HTR4: variants seen among roughly 807,000 people sequenced by gnomAD.
The protein encoded by HTR4 is 5-hydroxytryptamine receptor 4, also known as 5-hydroxytryptamine (serotonin) receptor 4, G protein-coupled.
In HTR4, 16 loss-of-function variants were observed where a neutral mutation model predicts 36.8. The ratio of observed to expected loss-of-function variants is 0.43; its 90% confidence interval spans 0.29 to 0.66. The LOEUF (loss-of-function observed/expected upper bound fraction) is 0.66. Ranked by LOEUF, HTR4 falls within the 30% of genes least tolerant of loss-of-function variation. The pLI, the probability that HTR4 is intolerant of heterozygous loss-of-function variation, is 0.13. For synonymous variants in HTR4, 189 were observed against 185.1 expected, an observed-to-expected ratio of 1.02 and a Z score of -0.17; for missense variants, 438 against 490.9, an observed-to-expected ratio of 0.89 and a Z score of 1.02.
In HTR4 at chr5:148,509,513, A is replaced by G. The variant is rs1462640349; in HGVS notation, c.1019T>C (p.Leu340Pro). The G allele has an allele frequency of 8.1e-6, 13 of 1,613,866 alleles. No homozygotes were observed. In the African/African-American group the frequency reaches 1.1e-4, roughly 13 times the overall value. Residue 340 changes from leucine (L) to proline (P), a missense_variant, in exon 6 of 7, where the codon CTG becomes CCG. Leu to Pro is a moderately conservative substitution (Grantham distance 98). Transcript: ENST00000377888. The stretch of plus-strand genomic sequence containing the variant: ...GGTTGAACAAGGGACAGTCTGGCCC[A>G]GAATGGAAGGTCTTCGGTAGCGCTC... ...DDERYRRPSILGQTVPCSTTT... is the reference protein window; with the variant it reads ...DDERYRRPSIPGQTVPCSTTT...
intron 4 of HTR4, among the ~76,000 whole-genome samples, chr5:148,535,688 C>T (rs1427587599): frequency 6.6e-6 from 1 of 151,884 alleles, no homozygotes; most frequent in Non-Finnish European, 1.5e-5. Context: ...AAAATAAAGA[C>T]AAAATAATTA....
chr5:148,452,794 TAAG>T (rs1283640758), intron 5 of HTR4, among the ~76,000 whole-genome samples: 17 of 152,214 alleles, frequency 1.1e-4, no homozygotes, highest in Admixed American at 2.0e-4. Context: ...AGGTCAGTGT[TAAG>T]AAGAATAAAA....
At chr5:148,456,559 A>C (rs1490988644) in intron 5 of HTR4, among the ~76,000 whole-genome samples, 1 of 152,098 alleles carries the variant, frequency 6.6e-6, no homozygotes, top group African/African-American at 2.4e-5. Flanking sequence ...CAAATAAGTT[A>C]CTCCCACCTC....
chr5:148,621,153 G>A (rs1237214316), intron 2 of HTR4, among the ~76,000 whole-genome samples: 1 of 152,150 alleles, frequency 6.6e-6, no homozygotes, highest in African/African-American at 2.4e-5. Flanking sequence ...ATAAGAAAAG[G>A]TTCTTTGAAA....
intron 2 of HTR4, among the ~76,000 whole-genome samples, chr5:148,565,811 C>T (rs1417258101): frequency 6.6e-6 from 1 of 152,164 alleles, no homozygotes; most frequent in Non-Finnish European, 1.5e-5. Flanking sequence ...CTATCCACTA[C>T]TTCTCCTCCT....
chr5:148,478,217 G>C (rs550371946), downstream of HTR4, among the ~76,000 whole-genome samples: 1 of 152,126 alleles, frequency 6.6e-6, no homozygotes, highest in Non-Finnish European at 1.5e-5. Context: ...ATCACCTAGC[G>C]CACAGTAAGT....
chr5:148,458,703 C>A (rs1755190321), intron 5 of HTR4, among the ~76,000 whole-genome samples: 1 of 152,066 alleles, frequency 6.6e-6, no homozygotes, highest in Non-Finnish European at 1.5e-5. Context: ...GGGGCAGGCC[C>A]ATGTGGTGAG....
In HTR4 at chr5:148,623,905, G is replaced by A. The variant is rs947776848; in HGVS notation, c.26+13084C>T. Among the ~76,000 whole-genome samples, 16 of 152,308 alleles carry A rather than the reference G, an allele frequency of 1.1e-4. No individual in the cohort carries two copies. In the East Asian group the frequency reaches 3.1e-3, roughly 29 times the overall value. On this transcript the variant is annotated intron_variant, in intron 2 of 6. Transcript: ENST00000377888. ...GAGTCAGTCAAAGAGAAACAGAAAG[G>A]TTATTAAAAGGGCGTTCCCCCTCCC... is the stretch of plus-strand genomic sequence containing the variant.
chr5:148,649,929 G>A (rs1581586911), intron 1 of HTR4, among the ~76,000 whole-genome samples: 2 of 152,058 alleles, frequency 1.3e-5, no homozygotes, highest in African/African-American at 4.8e-5. Context: ...TCAAGACCAG[G>A]AACAACATCA....
chr5:148,464,034 C>A (rs1198294213), intron 5 of HTR4, among the ~76,000 whole-genome samples: 1,064 of 99,056 alleles, frequency 0.011, no homozygotes, highest in Middle Eastern at 0.03. Context: ...CATTGACATG[C>A]AAAAAAAAAA....
At chr5:148,469,167 C>T (rs1317345421) in intron 5 of HTR4, among the ~76,000 whole-genome samples, 1 of 152,042 alleles carries the variant, frequency 6.6e-6, no homozygotes, top group Admixed American at 6.6e-5. Flanking sequence ...ACATACTGCT[C>T]CACAGTAAAG....
chr5:148,610,340 A>G (rs578209182), intron 2 of HTR4, among the ~76,000 whole-genome samples: 1 of 152,328 alleles, frequency 6.6e-6, no homozygotes, highest in South Asian at 2.1e-4. Context: ...GAGAACGGGC[A>G]GACTGCCTCC....
chr5:148,491,656 C>T (rs13164294), intron 6 of HTR4, among the ~76,000 whole-genome samples: 45,740 of 152,072 alleles, frequency 0.3, 7,350 homozygotes, highest in Non-Finnish European at 0.37. Context: ...GCCAAATGTT[C>T]TCTGGTAAAC....
At chr5:148,510,905 T>A (rs1435082171) in intron 5 of HTR4, among the ~76,000 whole-genome samples, 1 of 152,202 alleles carries the variant, frequency 6.6e-6, no homozygotes, top group African/African-American at 2.4e-5. Flanking sequence ...GATATTTTAA[T>A]GGAAGAAAAG....
chr5:148,608,661 T>C (rs1314533513), intron 2 of HTR4, among the ~76,000 whole-genome samples: 1 of 152,194 alleles, frequency 6.6e-6, no homozygotes, highest in African/African-American at 2.4e-5. Flanking sequence ...AAAAGCAGCA[T>C]AACAAGATTG....
At chr5:148,519,262 G>T (rs17108366) in intron 5 of HTR4, among the ~76,000 whole-genome samples, 26,132 of 152,010 alleles carry the variant, frequency 0.17, 3,871 homozygotes, top group African/African-American at 0.39. Context: ...GAGAAAGCAG[G>T]GTCTAGGTTT....
intron 2 of HTR4, among the ~76,000 whole-genome samples, chr5:148,630,716 A>T (rs1328886052): frequency 6.6e-6 from 1 of 152,140 alleles, no homozygotes; most frequent in Admixed American, 6.6e-5. Flanking sequence ...ATGACTAAAG[A>T]CACATTTATC....
At chr5:148,645,721 T>G (rs1272733127) in intron 1 of HTR4, 1 of 152,232 alleles carries the variant, frequency 6.6e-6, no homozygotes, top group African/African-American at 2.4e-5. Flanking sequence ...GTTCACAGTA[T>G]GACATTAACC....
chr5:148,637,099 G>A (rs1753572372), intron 1 of HTR4, 38 bp from the exon 2 acceptor site: 1 of 1,369,188 alleles, frequency 7.3e-7, no homozygotes, highest in African/African-American at 1.4e-5. Context: ...ATAAAAGAAA[G>A]CAGCATTGAA....
Sources: allele counts gnomAD v4.1 joint callset (sites outside exome capture counted in the v4.1 genomes callset), GRCh38; gene constraint gnomAD v4.1.1; transcripts MANE v1.5; gene names NCBI Gene and HGNC (gene_info 2026-07-23, HGNC 2026-07-21).